LAMB1: variants seen among roughly 807,000 people sequenced by gnomAD.
LAMB1 encodes laminin subunit beta-1.
LAMB1 carries 121 observed loss-of-function variants against 222.3 expected under a neutral mutation model. That is an observed-to-expected ratio of 0.54 (90% CI 0.47 to 0.63). The LOEUF (loss-of-function observed/expected upper bound fraction) is 0.63. LAMB1 is among the 30% of genes least tolerant of loss of function. The pLI is 0.00. For synonymous variants in LAMB1, 794 were observed against 807.2 expected (o/e 0.98, Z 0.28); for missense variants, 2,172 against 2,240.8 (o/e 0.97, Z 0.62).
chr7:107,984,189 C>T (rs2034028496), intron 7 of LAMB1, among the ~76,000 whole-genome samples: 1 of 152,092 alleles, frequency 6.6e-6, no homozygotes, highest in Non-Finnish European at 1.5e-5. Context: ...GCAGTATAGC[C>T]ACGTGACTAA....
chr7:107,972,587 CAAA>C, intron 13 of LAMB1, among the ~76,000 whole-genome samples: 1 of 132,740 alleles, frequency 7.5e-6, no homozygotes, highest in South Asian at 2.3e-4. Flanking sequence ...TTGGAAGTCA[CAAA>C]AAAAAAAAAG....
rs1363121554 is a variant in LAMB1, at chr7:107,959,739, T to C, written c.2410A>G (p.Asn804Asp). The change falls in exon 19 of 34, where the codon AAC becomes GAC. Residue 804 changes from asparagine (N) to aspartate (D), a missense_variant. Physicochemically the swap from Asn to Asp is conservative, Grantham distance 23. Coordinates refer to ENST00000222399, the MANE Select transcript of LAMB1 (RefSeq NM_002291.3). ...CRPNVVGRTC[N>D]RCAPGTFGFG... is the part of the protein sequence containing the mutation. ...CCAAAAGTTCCAGGTGCACATCTGT[T>C]GCAGGTTCTTCCAACCACGTTGGGC... The C allele has an allele frequency of 1.9e-6, 3 of 1,614,080 alleles. No homozygotes were observed. The highest frequency in any genetic ancestry group is 2.5e-6 in the Non-Finnish European group (3 of 1,180,038).
chr7:107,993,334 G>A (rs763779688), intron 5 of LAMB1, among the ~76,000 whole-genome samples: 45 of 151,942 alleles, frequency 3.0e-4, no homozygotes, highest in Admixed American at 5.9e-4. Flanking sequence ...GGGTTTCACC[G>A]TATTGGCCAG....
Position 107,998,357 on chromosome 7 carries a change from C to T in LAMB1, c.349G>A (p.Gly117Ser). The T allele has an allele frequency of 6.2e-7, 1 of 1,613,930 alleles. No homozygotes were observed. The highest frequency in any genetic ancestry group is 8.5e-7 in the Non-Finnish European group (1 of 1,179,950). Reference sequence around the variant, plus strand: ...ACTTGTCCCCACACCAACCACATACCATTTTCAGATTGCCACCAAATCTTA... The same window carrying T: ...ACTTGTCCCCACACCAACCACATACTATTTTCAGATTGCCACCAAATCTTA... ...RLKIWWQSEN[G>S]VENVTIQLDL... is the part of the protein sequence containing the mutation. Residue 117 changes from glycine to serine, a missense_variant and splice_region_variant, in exon 4 of 34, where the codon GGT (glycine) becomes AGT (serine). Coordinates refer to ENST00000222399, the MANE Select transcript of LAMB1 (RefSeq NM_002291.3).
At chr7:107,941,497 A>T (rs777264533) in intron 24 of LAMB1, among the ~76,000 whole-genome samples, 4 of 152,190 alleles carry the variant, frequency 2.6e-5, no homozygotes, top group Non-Finnish European at 4.4e-5. Context: ...ACTCAGGGTT[A>T]ACTTGCAATC....
intron 8 of LAMB1, 34 bp downstream of exon 8, chr7:107,980,575 A>T: frequency 6.5e-7 from 1 of 1,544,474 alleles, no homozygotes. Context: ...TACCAGCCAC[A>T]TAAAGGAGAA....
At chr7:107,969,509 C>G (rs951831572) in intron 13 of LAMB1, among the ~76,000 whole-genome samples, 6 of 152,188 alleles carry the variant, frequency 3.9e-5, no homozygotes, top group Non-Finnish European at 7.3e-5. Flanking sequence ...CTCCCCACCC[C>G]CAACTAGGAC....
At chr7:107,969,219 C>T (rs981120821) in intron 13 of LAMB1, among the ~76,000 whole-genome samples, 5 of 148,390 alleles carry the variant, frequency 3.4e-5, no homozygotes, top group Non-Finnish European at 5.9e-5. Context: ...ACCTGGGATG[C>T]GGAGCTTGCA....
chr7:107,948,866 T>C (rs977071018), intron 24 of LAMB1, among the ~76,000 whole-genome samples: 1 of 152,162 alleles, frequency 6.6e-6, no homozygotes, highest in Non-Finnish European at 1.5e-5. Context: ...ATGTGATCTT[T>C]GTAGTTCCTC....
chr7:107,948,723 A>G (rs570979415), intron 24 of LAMB1, among the ~76,000 whole-genome samples: 8 of 152,240 alleles, frequency 5.3e-5, no homozygotes, highest in Admixed American at 4.6e-4. Flanking sequence ...AGGAGTACCA[A>G]TTGCTTGAAG....
At chr7:107,958,955 C>A (rs560414551) in intron 20 of LAMB1, among the ~76,000 whole-genome samples, 7 of 152,326 alleles carry the variant, frequency 4.6e-5, no homozygotes, top group Non-Finnish European at 5.9e-5. Context: ...TCTGCTGAGA[C>A]AGACAGAATT....
chr7:107,937,192 T>C lies in LAMB1; in HGVS notation c.3847A>G (p.Lys1283Glu), dbSNP rs759892646. ...DTTSQSNSTA[K>E]ELDSLQTEAE... Reference sequence around the variant, plus strand: ...TCTGTCTGTAGAGAATCCAGTTCTTTGGCTGTGCTGTTGCTTTGGGAAGTT... The same window carrying C: ...TCTGTCTGTAGAGAATCCAGTTCTTCGGCTGTGCTGTTGCTTTGGGAAGTT... The change falls in exon 26 of 34, where the codon AAA becomes GAA. Residue 1283 changes from lysine to glutamate, a missense_variant. Physicochemically the swap from Lys to Glu is moderately conservative, Grantham distance 56. Transcript: ENST00000222399. 9.3e-6 allele frequency: 15 copies of C among 1,614,102 alleles called. No homozygotes were observed. The Admixed American group carries it at 1.3e-4, about 14-fold the overall frequency.
At chr7:107,993,851 C>T (rs1390052657) in intron 5 of LAMB1, among the ~76,000 whole-genome samples, 1 of 152,174 alleles carries the variant, frequency 6.6e-6, no homozygotes, top group Admixed American at 6.5e-5. Context: ...TCACAGTGCC[C>T]ACCTTCCTGC....
At chr7:107,971,411 C>T (rs1172176206) in intron 13 of LAMB1, among the ~76,000 whole-genome samples, 2 of 152,110 alleles carry the variant, frequency 1.3e-5, no homozygotes, top group Non-Finnish European at 1.5e-5. Context: ...TAAACATTTC[C>T]CAAGCGGCAT....
chr7:107,994,863 G>A, intron 5 of LAMB1, 24 bp downstream of exon 5: 1 of 1,400,704 alleles, frequency 7.1e-7, no homozygotes. Context: ...TGTGTCATTT[G>A]TGAGAAAGTC....
At chr7:107,964,509 C>T (rs552651822) in intron 14 of LAMB1, 43 bp downstream of exon 14, 23 of 1,612,668 alleles carry the variant, frequency 1.4e-5, no homozygotes, top group Non-Finnish European at 1.9e-5. Flanking sequence ...CACTACACCC[C>T]AAAACACTGC....
chr7:107,939,607 A>T (rs899546997), intron 25 of LAMB1, among the ~76,000 whole-genome samples: 1 of 152,196 alleles, frequency 6.6e-6, no homozygotes, highest in African/African-American at 2.4e-5. Context: ...CAGGAGAGAA[A>T]ATACAGGCTC....
chr7:107,941,502 G>C, intron 24 of LAMB1, among the ~76,000 whole-genome samples: 1 of 152,102 alleles, frequency 6.6e-6, no homozygotes, highest in East Asian at 1.9e-4. Flanking sequence ...GGGTTAACTT[G>C]CAATCAGAAT....
intron 28 of LAMB1, 118 bp from the exon 29 acceptor site, chr7:107,931,618 G>A: frequency 3.1e-6 from 3 of 956,510 alleles, no homozygotes; most frequent in Non-Finnish European, 4.8e-6. Flanking sequence ...TCATATGTCT[G>A]GGAAACAACT....
Sources: gnomAD v4.1 joint callset for allele counts (sites outside exome capture counted in the v4.1 genomes callset) on GRCh38, gnomAD v4.1.1 for gene constraint, MANE v1.5 for transcripts, NCBI Gene and HGNC (gene_info 2026-07-23, HGNC 2026-07-21) for gene names.